The following PPARGC1A variants were observed in gnomAD, a reference collection of about 807,000 sequenced individuals.
The protein encoded by PPARGC1A is peroxisome proliferator-activated receptor gamma coactivator 1-alpha.
Under a neutral mutation model 88.7 loss-of-function variants are expected in PPARGC1A, and 25 were observed. The ratio of observed to expected loss-of-function variants is 0.28; its 90% CI spans 0.21 to 0.39. The LOEUF (loss-of-function observed/expected upper bound fraction) is 0.39, where lower values mean the gene tolerates loss of function less well. Among genes scored for constraint, PPARGC1A ranks in the 10% least tolerant of loss-of-function variants. PPARGC1A has a pLI of 1.00. For missense variants in PPARGC1A, 880 were observed against 968.7 expected (o/e 0.91, Z 1.22); for synonymous variants, 363 against 355.6 (o/e 1.02, Z -0.24).
At chr4:23,980,295 CCTTT>C in the PPARGC1A span, among the ~76,000 whole-genome samples, 9 of 151,840 alleles carry the variant, frequency 5.9e-5, no homozygotes, top group Admixed American at 1.3e-4. Context: ...TCAGTAGCTC[CCTTT>C]CTTTATCATT....
the PPARGC1A span, among the ~76,000 whole-genome samples, chr4:24,222,248 C>T: frequency 3.3e-5 from 5 of 152,220 alleles, no homozygotes; most frequent in African/African-American, 4.8e-5. Flanking sequence ...CTTCATCAAC[C>T]TTCTGTCCAC....
Position 23,806,969 on chromosome 4 carries a change from G to A in PPARGC1A, c.2020-4624C>T, listed in dbSNP as rs936614541. 3.0e-4 allele frequency among the ~76,000 whole-genome samples: 45 copies of A among 152,260 alleles called. 1 individual carries two copies. The highest frequency in any genetic ancestry group is 9.6e-4 in the African/African-American group (40 of 41,552). On this transcript the variant is annotated intron_variant, in intron 10 of 12. Coordinates refer to ENST00000264867, the MANE Select transcript of PPARGC1A (RefSeq NM_013261.5). ...TCTCTCTAAAATGTCCTTTAAGGTA[G>A]GTAACAAGGAAGAGCTTGATATAAT... is the stretch of plus-strand genomic sequence containing the variant.
chr4:23,861,291 T>G (rs886661137), intron 2 of PPARGC1A, among the ~76,000 whole-genome samples: 3 of 152,250 alleles, frequency 2.0e-5, no homozygotes, highest in Non-Finnish European at 4.4e-5. Flanking sequence ...ATTACTGACG[T>G]ATCTGAAGAT....
the PPARGC1A span, among the ~76,000 whole-genome samples, chr4:24,182,127 G>A: frequency 1.3e-5 from 2 of 151,988 alleles, no homozygotes; most frequent in East Asian, 3.9e-4. Context: ...TTAGGTATTT[G>A]TCCTAATGCT....
At chr4:24,138,700 T>C in the PPARGC1A span, among the ~76,000 whole-genome samples, 224 of 152,176 alleles carry the variant, frequency 1.5e-3, no homozygotes, top group African/African-American at 5.3e-3. Flanking sequence ...TCTCCTTCTC[T>C]TCTCACAATG....
chr4:24,020,798 T>C, the PPARGC1A span, among the ~76,000 whole-genome samples: 2,670 of 152,260 alleles, frequency 0.018, 76 homozygotes, highest in African/African-American at 0.061. Context: ...CACAGGGGCA[T>C]CTGGACATGC....
the PPARGC1A span, among the ~76,000 whole-genome samples, chr4:24,461,681 C>G: frequency 6.6e-6 from 1 of 151,978 alleles, no homozygotes; most frequent in Admixed American, 6.6e-5. Context: ...GTAGGGCAAG[C>G]TCATTGTAGG....
chr4:24,240,492 C>T, the PPARGC1A span, among the ~76,000 whole-genome samples: 3 of 152,062 alleles, frequency 2.0e-5, no homozygotes. Flanking sequence ...ATATATAAAC[C>T]CTTACAAAGG....
chr4:24,425,542 T>G, the PPARGC1A span, among the ~76,000 whole-genome samples: 1 of 152,180 alleles, frequency 6.6e-6, no homozygotes, highest in African/African-American at 2.4e-5. Flanking sequence ...AATTTCCCAT[T>G]AAAAATGTTA....
chr4:24,444,091 G>T, the PPARGC1A span, among the ~76,000 whole-genome samples: 3 of 152,068 alleles, frequency 2.0e-5, no homozygotes, highest in Admixed American at 6.5e-5. Context: ...AGACTGGAGT[G>T]CAGTGACACA....
the PPARGC1A span, among the ~76,000 whole-genome samples, chr4:24,270,951 A>G: frequency 0.62 from 94,337 of 152,038 alleles, 29,770 homozygotes; most frequent in East Asian, 0.87. Flanking sequence ...AATACACAGT[A>G]TAATCATTTT....
the PPARGC1A span, among the ~76,000 whole-genome samples, chr4:24,147,660 G>A: frequency 6.6e-6 from 1 of 152,108 alleles, no homozygotes; most frequent in East Asian, 1.9e-4. Context: ...GGGCATCTAG[G>A]AGCCACAGAA....
the PPARGC1A span, among the ~76,000 whole-genome samples, chr4:24,114,691 T>G: frequency 6.6e-6 from 1 of 152,186 alleles, no homozygotes; most frequent in Non-Finnish European, 1.5e-5. Context: ...ATTTGTGACT[T>G]TGCACCTCAA....
chr4:24,084,067 G>A, the PPARGC1A span, among the ~76,000 whole-genome samples: 3 of 152,256 alleles, frequency 2.0e-5, no homozygotes, highest in Non-Finnish European at 4.4e-5. Context: ...CTGATCAGTG[G>A]GTAACCAGCC....
the PPARGC1A span, among the ~76,000 whole-genome samples, chr4:24,447,636 G>A: frequency 3.9e-5 from 6 of 152,224 alleles, no homozygotes; most frequent in Admixed American, 6.5e-5. Flanking sequence ...GTCCAGTTGA[G>A]TGGGTTTCCT....
intron 2 of PPARGC1A, among the ~76,000 whole-genome samples, chr4:23,858,388 C>T (rs1244971124): frequency 2.0e-5 from 3 of 152,108 alleles, no homozygotes; most frequent in East Asian, 3.9e-4. Flanking sequence ...CTGAGGCAGG[C>T]ACTATTTTAC....
the PPARGC1A span, among the ~76,000 whole-genome samples, chr4:24,295,784 G>A: frequency 6.6e-6 from 1 of 150,738 alleles, no homozygotes; most frequent in Admixed American, 6.6e-5. Context: ...TGCACTGTGT[G>A]TACCTATGAT....
At chr4:23,982,245 T>C in the PPARGC1A span, among the ~76,000 whole-genome samples, 2 of 152,120 alleles carry the variant, frequency 1.3e-5, no homozygotes, top group African/African-American at 2.4e-5. Context: ...GAAAAGTTTG[T>C]TTCACATAAC....
At chr4:24,319,957 T>G in the PPARGC1A span, among the ~76,000 whole-genome samples, 1 of 152,138 alleles carries the variant, frequency 6.6e-6, no homozygotes, top group Non-Finnish European at 1.5e-5. Flanking sequence ...ACAATTGCCT[T>G]CTAAGAGTCA....
Sources: gnomAD v4.1 joint callset for allele counts (sites outside exome capture counted in the v4.1 genomes callset) on GRCh38, gnomAD v4.1.1 for gene constraint, MANE v1.5 for transcripts, NCBI Gene and HGNC (gene_info 2026-07-23, HGNC 2026-07-21) for gene names.